Variants in COL11A1 observed in about 807,000 individuals in gnomAD.
The protein encoded by COL11A1 is collagen alpha-1(XI) chain.
In COL11A1, 74 loss-of-function variants were observed where a neutral mutation model predicts 265.2. The observed-to-expected ratio is 0.28, with a 90% CI of 0.23 to 0.34. The LOEUF (loss-of-function observed/expected upper bound fraction) is 0.34. Ranked by LOEUF, COL11A1 falls within the 10% of genes least tolerant of loss-of-function variation. The pLI is 1.00. For synonymous variants in COL11A1, 816 were observed against 727.6 expected (o/e 1.12, Z -1.96); for missense variants, 2,165 against 2,263.6 (o/e 0.96, Z 0.88).
intron 54 of COL11A1, 51 bp from the exon 55 acceptor site, chr1:102,899,045 T>C: frequency 1.9e-6 from 2 of 1,073,142 alleles, no homozygotes; most frequent in Non-Finnish European, 2.7e-6. Flanking sequence ...AAAAGTAATG[T>C]TAATGAGCAC....
chr1:103,070,873 TGC>T (rs1408316046), intron 4 of COL11A1, among the ~76,000 whole-genome samples: 5 of 151,944 alleles, frequency 3.3e-5, no homozygotes, highest in Non-Finnish European at 2.9e-5. Flanking sequence ...GGATAATATA[TGC>T]ATTAAAAAGA....
rs1214388242 is a variant in COL11A1, at chr1:102,986,162, CCCAAATGTTCA to C, written c.2502+1460_2502+1470del. Among the ~76,000 whole-genome samples the C allele has an allele frequency of 8.6e-5, 13 of 151,980 alleles. No homozygotes were observed. In the East Asian group the frequency reaches 2.1e-3, roughly 25 times the overall value. On this transcript the variant is annotated intron_variant, in intron 30 of 66. Transcript: ENST00000370096. ...CACAATAGCAAAGACTTGGAACCAA[CCCAAATGTTCA>C]ACAATGATAGACTGGATTAAGAAAA...
chr1:102,908,829 T>A (rs1483559864), intron 54 of COL11A1, among the ~76,000 whole-genome samples: 1 of 152,176 alleles, frequency 6.6e-6, no homozygotes, highest in Non-Finnish European at 1.5e-5. Context: ...AATTTTATTT[T>A]TTTAAGGGTT....
At chr1:102,891,654 C>T (rs958503336) in intron 57 of COL11A1, among the ~76,000 whole-genome samples, 9 of 150,254 alleles carry the variant, frequency 6.0e-5, no homozygotes, top group Middle Eastern at 3.2e-3. Flanking sequence ...GTGGGAGGAC[C>T]GCTTGAACCT....
At chr1:102,902,187 T>A (rs1653291795) in intron 54 of COL11A1, among the ~76,000 whole-genome samples, 1 of 152,162 alleles carries the variant, frequency 6.6e-6, no homozygotes, top group Non-Finnish European at 1.5e-5. Context: ...TCTATGGACC[T>A]GTTAAGAGTT....
At position 103,097,171 on chromosome 1, in the gene COL11A1, C is replaced by T. The variant is rs530237873; in HGVS notation, c.106+10902G>A. Among the ~76,000 whole-genome samples the T allele has an allele frequency of 3.9e-5, 6 of 152,024 alleles. No homozygotes were observed. The South Asian group carries it at 1.0e-3, about 26-fold the overall frequency. ...TGTTGATATCGAAGTATGCACTGAC[C>T]CTGCTAACTTGGCAGTTTCCTTGTA... On this transcript the variant is annotated intron_variant, in intron 1 of 66. Transcript: ENST00000370096.
intron 4 of COL11A1, among the ~76,000 whole-genome samples, chr1:103,039,845 G>A (rs1380708681): frequency 6.6e-6 from 1 of 151,842 alleles, no homozygotes; most frequent in East Asian, 1.9e-4. Context: ...TATAACAAAA[G>A]TAATAACTGA....
intron 1 of COL11A1, among the ~76,000 whole-genome samples, chr1:103,102,678 C>G (rs897880868): frequency 6.6e-6 from 1 of 151,868 alleles, no homozygotes; most frequent in Non-Finnish European, 1.5e-5. Context: ...AATACCTAAA[C>G]ATAATCATTA....
chr1:103,071,418 T>C (rs1031148360), intron 4 of COL11A1, among the ~76,000 whole-genome samples: 18 of 150,588 alleles, frequency 1.2e-4, no homozygotes, highest in African/African-American at 4.4e-4. Flanking sequence ...TCTTTGAATC[T>C]TATTTAGCAG....
chr1:102,940,533 G>A, intron 42 of COL11A1, 99 bp from the exon 43 acceptor site: 1 of 875,942 alleles, frequency 1.1e-6, no homozygotes, highest in Non-Finnish European at 1.8e-6. Flanking sequence ...ATTGTTTAAT[G>A]TTTTTTAGAA....
intron 66 of COL11A1, among the ~76,000 whole-genome samples, 154 bp from the exon 67 acceptor site, chr1:102,878,319 C>T (rs1570603154): frequency 2.6e-5 from 4 of 151,062 alleles, no homozygotes; most frequent in Admixed American, 2.0e-4. Context: ...ATTCTTATCA[C>T]TGTATAGTTC....
chr1:102,965,604 T>C, intron 37 of COL11A1, 64 bp from the exon 38 acceptor site: 2 of 1,312,344 alleles, frequency 1.5e-6, no homozygotes, highest in South Asian at 1.2e-5. Flanking sequence ...CAAAATTCTA[T>C]GAGATAGCTG....
chr1:102,940,327 C>T lies in COL11A1; in HGVS notation c.3384G>A (p.Lys1128=). 2.5e-6 allele frequency: 4 copies of T among 1,612,128 alleles called. No homozygotes were observed. The highest frequency in any genetic ancestry group is 3.4e-6 in the Non-Finnish European group (4 of 1,178,310). ...ACTAACACGAATAATGAATACCAAC[C>T]TTGTCTCCGTCTTCCCCAGGGGAGC... ...PAGSPGEDGD[K]GEIGEPGQKG... Residue 1128 remains lysine, a splice_region_variant and synonymous_variant, in exon 43 of 67, where the codon AAG becomes AAA. Coordinates refer to ENST00000370096, the MANE Select transcript of COL11A1 (RefSeq NM_001854.4).
chr1:103,061,515 A>G (rs921823766), intron 4 of COL11A1, among the ~76,000 whole-genome samples: 1 of 152,102 alleles, frequency 6.6e-6, no homozygotes, highest in Non-Finnish European at 1.5e-5. Context: ...AAACTCTTAA[A>G]AATTTGAACA....
At chr1:103,061,171 A>G (rs1313156880) in intron 4 of COL11A1, among the ~76,000 whole-genome samples, 1 of 152,178 alleles carries the variant, frequency 6.6e-6, no homozygotes, top group Non-Finnish European at 1.5e-5. Flanking sequence ...GTGAGGCATT[A>G]CATGATAATA....
chr1:102,946,796 A>G (rs1659335305), intron 42 of COL11A1, 53 bp downstream of exon 42: 1 of 1,366,184 alleles, frequency 7.3e-7, no homozygotes, highest in Admixed American at 1.8e-5. Flanking sequence ...AATAAAAAGT[A>G]ATAACGTGTA....
chr1:103,020,957 T>A (rs1270809601), intron 9 of COL11A1, among the ~76,000 whole-genome samples: 1 of 142,360 alleles, frequency 7.0e-6, no homozygotes, highest in Non-Finnish European at 1.5e-5. Context: ...AACAGAGCCC[T>A]CAGAAATAAC....
intron 24 of COL11A1, among the ~76,000 whole-genome samples, chr1:103,000,798 C>A (rs1665031598): frequency 6.6e-6 from 1 of 151,954 alleles, no homozygotes; most frequent in African/African-American, 2.4e-5. Context: ...GACTTGTATG[C>A]AATTATTCAC....
intron 4 of COL11A1, among the ~76,000 whole-genome samples, chr1:103,065,713 A>G (rs867804620): frequency 6.6e-6 from 1 of 151,684 alleles, no homozygotes; most frequent in Non-Finnish European, 1.5e-5. Flanking sequence ...AAAGAATGAA[A>G]ATATAAGAAT....
Sources: allele counts gnomAD v4.1 joint callset (sites outside exome capture counted in the v4.1 genomes callset), GRCh38; gene constraint gnomAD v4.1.1; transcripts MANE v1.5; gene names NCBI Gene and HGNC (gene_info 2026-07-23, HGNC 2026-07-21).